The following ABCA1 variants were observed in gnomAD, a reference collection of about 807,000 sequenced individuals.
ABCA1 encodes phospholipid-transporting ATPase ABCA1.
ABCA1 carries 133 observed loss-of-function variants against 262.5 expected under a neutral mutation model. The observed-to-expected ratio is 0.51, with a 90% CI of 0.44 to 0.59. The LOEUF (loss-of-function observed/expected upper bound fraction) is 0.59. Ranked by LOEUF, ABCA1 falls within the 20% of genes least tolerant of loss-of-function variation. The probability of loss-of-function intolerance (pLI) is 0.00; values close to 1 mark genes in which losing one functional copy is unlikely to be tolerated. For missense variants in ABCA1, 2,452 were observed against 2,777.5 expected (o/e 0.88, Z 2.63); for synonymous variants, 1,022 against 1,043.5 (o/e 0.98, Z 0.40).
chr9:104,926,384 C>T (rs1248373572), intron 1 of ABCA1, among the ~76,000 whole-genome samples: 1 of 151,046 alleles, frequency 6.6e-6, no homozygotes, highest in Non-Finnish European at 1.5e-5. Flanking sequence ...ATAACCCTGG[C>T]ACCGTCCGCC....
chr9:104,858,498 T>G (rs770572182), intron 7 of ABCA1, 24 bp downstream of exon 7: 1 of 1,611,720 alleles, frequency 6.2e-7, no homozygotes, highest in Non-Finnish European at 8.5e-7. Context: ...GCTTGAAGTT[T>G]CTCCAGTGAG....
chr9:104,893,894 G>T (rs1839984585), intron 2 of ABCA1, among the ~76,000 whole-genome samples: 1 of 152,178 alleles, frequency 6.6e-6, no homozygotes, highest in Non-Finnish European at 1.5e-5. Flanking sequence ...TTCACAGCTT[G>T]TAGATTTATA....
intron 5 of ABCA1, among the ~76,000 whole-genome samples, chr9:104,868,957 G>C (rs1437179096): frequency 6.6e-6 from 1 of 151,944 alleles, no homozygotes. Context: ...TCAGTTCTCT[G>C]AGCATAGAGG....
At chr9:104,918,634 A>G (rs2515617) in intron 1 of ABCA1, among the ~76,000 whole-genome samples, 77,626 of 151,918 alleles carry the variant, frequency 0.51, 21,022 homozygotes, top group East Asian at 0.83. Flanking sequence ...TGTTAATATC[A>G]TATCTTCTTC....
intron 31 of ABCA1, among the ~76,000 whole-genome samples, chr9:104,805,263 C>G (rs1422262495): frequency 6.6e-6 from 1 of 152,108 alleles, no homozygotes; most frequent in Non-Finnish European, 1.5e-5. Flanking sequence ...TTAGTAGAGA[C>G]AGGGTTTCGC....
At position 104,789,796 on chromosome 9, in the gene ABCA1, A is replaced by T. The variant is rs912376661; in HGVS notation, c.5927+1126T>A. On this transcript the variant is annotated intron_variant, in intron 44 of 49. Transcript: ENST00000374736. ...CCACTGCCTTGTACTATCTCTCCACATAATAAGTCCAGAGAAGCCGGGCGC... is the reference window on the plus strand; with the variant it reads ...CCACTGCCTTGTACTATCTCTCCACTTAATAAGTCCAGAGAAGCCGGGCGC... Among the ~76,000 whole-genome samples, 4 of 152,116 alleles carry T rather than the reference A, an allele frequency of 2.6e-5. No homozygotes were observed. In the East Asian group the frequency reaches 7.7e-4, roughly 29 times the overall value.
intron 1 of ABCA1, among the ~76,000 whole-genome samples, chr9:104,905,915 C>G (rs988627642): frequency 6.6e-6 from 1 of 152,186 alleles, no homozygotes; most frequent in Non-Finnish European, 1.5e-5. Context: ...CTATGTGCCC[C>G]TGGCCAAGGC....
chr9:104,813,034 A>C (rs1831416518), intron 27 of ABCA1, among the ~76,000 whole-genome samples: 1 of 152,248 alleles, frequency 6.6e-6, no homozygotes, highest in Non-Finnish European at 1.5e-5. Context: ...GAATCAAGTC[A>C]TCAATTTCTT....
chr9:104,899,020 A>G (rs1840447756), intron 2 of ABCA1, among the ~76,000 whole-genome samples: 1 of 152,212 alleles, frequency 6.6e-6, no homozygotes, highest in Admixed American at 6.5e-5. Flanking sequence ...CGAAAGCAGT[A>G]CTCATGCCCA....
intron 1 of ABCA1, among the ~76,000 whole-genome samples, chr9:104,919,574 T>A (rs1206101209): frequency 1.3e-5 from 2 of 151,820 alleles, no homozygotes; most frequent in Non-Finnish European, 2.9e-5. Context: ...ATTGCGCCAC[T>A]GCACTCCAGC....
At chr9:104,912,764 G>C (rs1841577877) in intron 1 of ABCA1, among the ~76,000 whole-genome samples, 1 of 151,750 alleles carries the variant, frequency 6.6e-6, no homozygotes, top group Non-Finnish European at 1.5e-5. Flanking sequence ...GTAGCACATA[G>C]AAAAAAAGAA....
intron 34 of ABCA1, among the ~76,000 whole-genome samples, chr9:104,801,170 T>C (rs1247997927): frequency 6.6e-6 from 1 of 151,430 alleles, no homozygotes; most frequent in African/African-American, 2.4e-5. Flanking sequence ...CAGCAAAGTA[T>C]GTTTGAAACC....
intron 2 of ABCA1, 88 bp downstream of exon 2, chr9:104,903,526 C>G: frequency 1.0e-4 from 126 of 1,234,924 alleles, no homozygotes; most frequent in Non-Finnish European, 1.4e-4. Context: ...AACACAGCTT[C>G]CTTCCCTCCC....
intron 7 of ABCA1, among the ~76,000 whole-genome samples, chr9:104,847,280 G>T (rs1415467301): frequency 6.6e-6 from 1 of 152,176 alleles, no homozygotes; most frequent in Non-Finnish European, 1.5e-5. Flanking sequence ...GGAACCTGGG[G>T]TAGCTATAGA....
At chr9:104,850,509 G>C (rs1435255214) in intron 7 of ABCA1, among the ~76,000 whole-genome samples, 1 of 126,608 alleles carries the variant, frequency 7.9e-6, no homozygotes, top group Non-Finnish European at 1.9e-5. Flanking sequence ...AAAGATAAAA[G>C]AGGAAGGACA....
intron 11 of ABCA1, among the ~76,000 whole-genome samples, chr9:104,833,233 G>C (rs1833502867): frequency 6.6e-6 from 1 of 152,202 alleles, no homozygotes; most frequent in African/African-American, 2.4e-5. Flanking sequence ...CCGGGCTGGA[G>C]TGCAGTGATG....
intron 30 of ABCA1, among the ~76,000 whole-genome samples, chr9:104,807,595 C>G (rs1239581677): frequency 2.6e-5 from 4 of 151,940 alleles, no homozygotes; most frequent in Non-Finnish European, 5.9e-5. Context: ...GCGGGTGGAT[C>G]ACTAAGTCAG....
intron 2 of ABCA1, among the ~76,000 whole-genome samples, chr9:104,897,239 T>G (rs369558596): frequency 2.0e-5 from 3 of 152,044 alleles, no homozygotes; most frequent in African/African-American, 7.2e-5. Context: ...GGGGAAATGA[T>G]TTTTAAAACC....
intron 44 of ABCA1, among the ~76,000 whole-genome samples, chr9:104,790,369 T>C (rs1176837797): frequency 6.6e-6 from 1 of 152,176 alleles, no homozygotes; most frequent in Non-Finnish European, 1.5e-5. Flanking sequence ...GTCCAACATT[T>C]ATAAGGAATT....
Sources: gnomAD v4.1 joint callset for allele counts (sites outside exome capture counted in the v4.1 genomes callset) on GRCh38, gnomAD v4.1.1 for gene constraint, MANE v1.5 for transcripts, NCBI Gene and HGNC (gene_info 2026-07-23, HGNC 2026-07-21) for gene names.